Variants in TSHZ2 observed in about 807,000 individuals in gnomAD.
The protein encoded by TSHZ2 is teashirt homolog 2.
In TSHZ2, 21 loss-of-function variants were observed where a neutral mutation model predicts 74.4. The observed-to-expected ratio is 0.28, with a 90% CI of 0.20 to 0.41. The LOEUF (loss-of-function observed/expected upper bound fraction) is 0.41. Ranked by LOEUF, TSHZ2 falls within the 10% of genes least tolerant of loss-of-function variation. The pLI is 1.00. For missense variants in TSHZ2, 1,244 were observed against 1,293.5 expected, an observed-to-expected ratio of 0.96 and a Z score of 0.59; for synonymous variants, 540 against 515.3, an observed-to-expected ratio of 1.05 and a Z score of -0.65.
At chr20:52,975,199 G>C (rs1460702066) in intron 1 of TSHZ2, among the ~76,000 whole-genome samples, 6 of 152,228 alleles carry the variant, frequency 3.9e-5, no homozygotes, top group East Asian at 1.9e-4. Flanking sequence ...TGTCCCGAAA[G>C]AGAACCCTGG....
intron 2 of TSHZ2, among the ~76,000 whole-genome samples, chr20:53,331,737 A>AAATGTAT (rs11474548): frequency 0.6 from 91,151 of 151,180 alleles, 28,885 homozygotes; most frequent in African/African-American, 0.79. Flanking sequence ...CAGATTAGGA[A>AAATGTAT]AAGGGTTATG....
At chr20:53,093,057 A>G (rs538249488) in intron 1 of TSHZ2, among the ~76,000 whole-genome samples, 1 of 152,306 alleles carries the variant, frequency 6.6e-6, no homozygotes, top group East Asian at 1.9e-4. Context: ...TGACTCTTAG[A>G]AATATACAGA....
At chr20:53,124,612 C>T (rs1986897145) in intron 1 of TSHZ2, among the ~76,000 whole-genome samples, 1 of 152,214 alleles carries the variant, frequency 6.6e-6, no homozygotes, top group Non-Finnish European at 1.5e-5. Flanking sequence ...TAGTTATAGA[C>T]TCAAGTTATA....
At chr20:52,996,162 T>C (rs1982179629) in intron 1 of TSHZ2, among the ~76,000 whole-genome samples, 2 of 152,160 alleles carry the variant, frequency 1.3e-5, no homozygotes, top group South Asian at 4.2e-4. Flanking sequence ...CACAGTTTAA[T>C]AAAAAGGTAA....
At position 53,494,567 on chromosome 20, in the gene TSHZ2, T is replaced by A. The variant is rs16998134; in HGVS notation, c.*7432T>A. On this transcript the variant is annotated 3_prime_UTR_variant, in exon 3 of 3. Transcript: ENST00000371497. The stretch of plus-strand genomic sequence containing the variant: ...ATACAATTTTATCACTAGAAATAAA[T>A]TCCGATGGTGGAAACGAAGAAAACC... The A allele has an allele frequency of 6.6e-6, 1 of 151,972 alleles. No individual in the cohort carries two copies. The highest frequency in any genetic ancestry group is 1.5e-5 in the Non-Finnish European group (1 of 67,994). 9.4% of individuals were successfully genotyped at this position (151,972 alleles called of 1,614,324 possible).
At chr20:52,973,450 G>A in intron 1 of TSHZ2, 117 bp downstream of exon 1, 1 of 1,346,566 alleles carries the variant, frequency 7.4e-7, no homozygotes, top group South Asian at 1.4e-5. Flanking sequence ...AGTTTGCGCC[G>A]GGTGCCCTTC....
chr20:53,368,282 C>T (rs1180163120), intron 2 of TSHZ2, among the ~76,000 whole-genome samples: 5 of 151,242 alleles, frequency 3.3e-5, no homozygotes, highest in Admixed American at 6.6e-5. Context: ...GTTTTGGACT[C>T]GATGGTAATT....
At chr20:53,013,170 T>C (rs1600645455) in intron 1 of TSHZ2, among the ~76,000 whole-genome samples, 1 of 152,310 alleles carries the variant, frequency 6.6e-6, no homozygotes, top group Middle Eastern at 3.4e-3. Context: ...GCAGCAAAAA[T>C]GTTGGGTGAT....
intron 2 of TSHZ2, among the ~76,000 whole-genome samples, chr20:53,475,356 A>T (rs1227614128): frequency 2.8e-5 from 3 of 107,514 alleles, no homozygotes; most frequent in South Asian, 3.6e-4. Flanking sequence ...TAAGAATCTC[A>T]CTCAAAACCG....
At chr20:53,044,865 A>G (rs1984170195) in intron 1 of TSHZ2, among the ~76,000 whole-genome samples, 1 of 152,070 alleles carries the variant, frequency 6.6e-6, no homozygotes, top group African/African-American at 2.4e-5. Context: ...GCACACCACC[A>G]TGCCCGGCTA....
In TSHZ2 at chr20:53,293,664, C is replaced by T. The variant is rs553296219; in HGVS notation, c.*8+37093C>T. On this transcript the variant is annotated intron_variant, in intron 2 of 2. Coordinates refer to ENST00000371497, the MANE Select transcript of TSHZ2 (RefSeq NM_173485.6). ...GCTCTGTCAATTACCAGGCATGTAC[C>T]CAGTGCTGTGCTGGTAAATTTTAAC... Among the ~76,000 whole-genome samples the T allele has an allele frequency of 6.0e-5, 9 of 149,514 alleles. No individual in the cohort carries two copies. The South Asian group carries it at 1.7e-3, about 28-fold the overall frequency.
At chr20:52,979,998 A>G (rs1981501427) in intron 1 of TSHZ2, among the ~76,000 whole-genome samples, 1 of 152,228 alleles carries the variant, frequency 6.6e-6, no homozygotes, top group African/African-American at 2.4e-5. Flanking sequence ...CATTTAAAAA[A>G]CAATTTCAAT....
At chr20:53,263,088 ATATT>A (rs1990634743) in intron 2 of TSHZ2, among the ~76,000 whole-genome samples, 1 of 152,226 alleles carries the variant, frequency 6.6e-6, no homozygotes, top group African/African-American at 2.4e-5. Flanking sequence ...GGCATAGAAT[ATATT>A]TAGGCACAGA....
At position 53,001,205 on chromosome 20, in the gene TSHZ2, CGTGTGTGTGT is replaced by C. The variant is rs558621179; in HGVS notation, c.40+27913_40+27922del. The stretch of plus-strand genomic sequence containing the variant: ...ACAATGTTGTGTGTGCGTTCATGTG[CGTGTGTGTGT>C]GTGTGTGTGTGTGTGTGTGTGTGTG... On this transcript the variant is annotated intron_variant, in intron 1 of 2. Coordinates refer to ENST00000371497, the MANE Select transcript of TSHZ2 (RefSeq NM_173485.6). Among the ~76,000 whole-genome samples the C allele has an allele frequency of 1.9e-3, 175 of 94,262 alleles. No homozygotes were observed. The Middle Eastern group carries it at 0.023, about 13-fold the overall frequency. The allele number at this position is 94,262 out of a possible 152,430, so 61.8% of individuals were successfully genotyped here.
intron 1 of TSHZ2, chr20:53,097,925 CATGA>C (rs1986101403): frequency 6.6e-6 from 1 of 152,156 alleles, no homozygotes; most frequent in Non-Finnish European, 1.5e-5. Flanking sequence ...TAGGCCAGAC[CATGA>C]ATAGTGTGGC....
chr20:53,158,717 C>G (rs1987856084), intron 1 of TSHZ2, among the ~76,000 whole-genome samples: 1 of 152,128 alleles, frequency 6.6e-6, no homozygotes. Flanking sequence ...ATGTCGTGGC[C>G]CTCAAGGACC....
intron 1 of TSHZ2, among the ~76,000 whole-genome samples, chr20:53,092,679 C>T (rs1418096771): frequency 6.6e-6 from 1 of 152,184 alleles, no homozygotes; most frequent in African/African-American, 2.4e-5. Context: ...AGATAAAATA[C>T]TACATGAGAA....
intron 2 of TSHZ2, among the ~76,000 whole-genome samples, chr20:53,258,141 C>T (rs1029565359): frequency 6.6e-6 from 1 of 152,182 alleles, no homozygotes; most frequent in African/African-American, 2.4e-5. Flanking sequence ...TGAAGACTAT[C>T]TTTTTGGTTT....
rs868100998 is a variant in TSHZ2 at position 53,343,571 on chromosome 20, T to G, written c.*8+87000T>G. Among the ~76,000 whole-genome samples, 112 of 152,290 alleles carry G rather than the reference T, an allele frequency of 7.4e-4. 1 individual carries two copies. The highest frequency in any genetic ancestry group is 2.5e-3 in the African/African-American group (105 of 41,564). On this transcript the variant is annotated intron_variant, in intron 2 of 2. Transcript: ENST00000371497. ...AAAACGTAATGAGCCCAGGTGAGGC[T>G]CATTAGAGCCAGCCTGGAATTCTGC... is the stretch of plus-strand genomic sequence containing the variant.
Sources: allele counts gnomAD v4.1 joint callset (sites outside exome capture counted in the v4.1 genomes callset), GRCh38; gene constraint gnomAD v4.1.1; transcripts MANE v1.5; gene names NCBI Gene and HGNC (gene_info 2026-07-23, HGNC 2026-07-21).